SLIT3: variants seen among roughly 807,000 people sequenced by gnomAD.
SLIT3 encodes slit guidance ligand 3.
A neutral mutation model predicts 184.0 loss-of-function variants in SLIT3; 68 were observed. That is an observed-to-expected ratio of 0.37 (90% confidence interval 0.30 to 0.45). SLIT3 has a LOEUF of 0.45. SLIT3 is among the 20% of genes least tolerant of loss of function. SLIT3 has a pLI of 1.00. For synonymous variants in SLIT3, 831 were observed against 828.6 expected (o/e 1.00, Z -0.05); for missense variants, 1,707 against 2,026.0 (o/e 0.84, Z 3.02).
At chr5:168,756,180 C>T (rs769460143) in intron 16 of SLIT3, among the ~76,000 whole-genome samples, 2 of 152,216 alleles carry the variant, frequency 1.3e-5, no homozygotes, top group Non-Finnish European at 1.5e-5. Flanking sequence ...ATACTGAGTC[C>T]CAGAGCAGGA....
intron 5 of SLIT3, among the ~76,000 whole-genome samples, chr5:168,873,948 G>A (rs1348758886): frequency 1.3e-5 from 2 of 152,024 alleles, no homozygotes; most frequent in African/African-American, 4.8e-5. Flanking sequence ...CTCCTCCTAA[G>A]TCCCTTACAT....
At chr5:169,189,459 T>G (rs1763467647) in intron 4 of SLIT3, among the ~76,000 whole-genome samples, 1 of 148,920 alleles carries the variant, frequency 6.7e-6, no homozygotes, top group African/African-American at 2.5e-5. Flanking sequence ...TTCGCATGAT[T>G]GTTGTGATGG....
chr5:168,708,392 A>G (rs1256922897), intron 25 of SLIT3: 6 of 472,284 alleles, frequency 1.3e-5, no homozygotes, highest in Admixed American at 3.5e-5. Flanking sequence ...TCTGCAAACA[A>G]TGCACCATAA....
At chr5:169,291,027 C>G (rs879762828) in intron 1 of SLIT3, among the ~76,000 whole-genome samples, 5 of 152,074 alleles carry the variant, frequency 3.3e-5, no homozygotes, top group Admixed American at 6.5e-5. Context: ...TACACTGCTG[C>G]CAAAGTGCGG....
At chr5:169,286,032 T>C (rs2113652686) in intron 1 of SLIT3, among the ~76,000 whole-genome samples, 1 of 152,336 alleles carries the variant, frequency 6.6e-6, no homozygotes, top group Non-Finnish European at 1.5e-5. Context: ...TAATGGCTTT[T>C]GGAGTGATTA....
At chr5:168,926,731 A>T in intron 4 of SLIT3, among the ~76,000 whole-genome samples, 1 of 66,686 alleles carries the variant, frequency 1.5e-5, no homozygotes, top group African/African-American at 8.6e-5. Flanking sequence ...ACTTGGATAG[A>T]CTTTTCTACG....
chr5:169,214,328 G>C (rs1025957910), intron 3 of SLIT3, among the ~76,000 whole-genome samples: 1 of 152,222 alleles, frequency 6.6e-6, no homozygotes, highest in Non-Finnish European at 1.5e-5. Context: ...GGGCTCAGGA[G>C]AAAGCACTGT....
chr5:169,234,489 C>A (rs1284265772), intron 3 of SLIT3, among the ~76,000 whole-genome samples: 2 of 152,204 alleles, frequency 1.3e-5, no homozygotes, highest in Non-Finnish European at 2.9e-5. Context: ...TCACCTCAAC[C>A]TCCACCTCCT....
At chr5:169,068,713 C>T (rs1406792122) in intron 4 of SLIT3, among the ~76,000 whole-genome samples, 1 of 152,138 alleles carries the variant, frequency 6.6e-6, no homozygotes, top group Non-Finnish European at 1.5e-5. Flanking sequence ...CTTCTTGTGA[C>T]ATCTCTGGGC....
chr5:169,231,770 A>G (rs1190118779), intron 3 of SLIT3, among the ~76,000 whole-genome samples: 2 of 152,228 alleles, frequency 1.3e-5, no homozygotes, highest in Admixed American at 1.3e-4. Flanking sequence ...GAGTAACTGT[A>G]TCAATAACTC....
At chr5:169,076,036 T>A (rs1295284665) in intron 4 of SLIT3, among the ~76,000 whole-genome samples, 1 of 152,314 alleles carries the variant, frequency 6.6e-6, no homozygotes, top group East Asian at 1.9e-4. Flanking sequence ...GAAGTTTCCT[T>A]AACAAGCTGA....
intron 14 of SLIT3, among the ~76,000 whole-genome samples, chr5:168,768,793 A>C (rs1159546361): frequency 6.6e-6 from 1 of 152,116 alleles, no homozygotes; most frequent in Non-Finnish European, 1.5e-5. Context: ...GACATTCCAC[A>C]ATTCAGGAGT....
intron 4 of SLIT3, among the ~76,000 whole-genome samples, chr5:169,050,809 C>T (rs190257919): frequency 2.1e-4 from 32 of 152,154 alleles, no homozygotes; most frequent in Admixed American, 1.8e-3. Context: ...GGTATCACGG[C>T]GAGATCACAT....
At chr5:169,286,633 G>A (rs1767157051) in intron 1 of SLIT3, among the ~76,000 whole-genome samples, 1 of 152,200 alleles carries the variant, frequency 6.6e-6, no homozygotes, top group African/African-American at 2.4e-5. Flanking sequence ...GGTACGGCCA[G>A]GTCGCCAAAT....
chr5:169,015,816 C>T (rs949998726), intron 4 of SLIT3, among the ~76,000 whole-genome samples: 3 of 151,930 alleles, frequency 2.0e-5, no homozygotes, highest in African/African-American at 7.3e-5. Context: ...TGCCTATAGT[C>T]CCAGCTACTT....
At chr5:169,282,310 T>C (rs887456408) in intron 1 of SLIT3, among the ~76,000 whole-genome samples, 1 of 152,126 alleles carries the variant, frequency 6.6e-6, no homozygotes, top group African/African-American at 2.4e-5. Context: ...GGTCAGAAAA[T>C]AGGCTCTGGG....
At chr5:169,105,775 A>G (rs1760180854) in intron 4 of SLIT3, among the ~76,000 whole-genome samples, 1 of 152,146 alleles carries the variant, frequency 6.6e-6, no homozygotes, top group Non-Finnish European at 1.5e-5. Flanking sequence ...GTTCCTGCAA[A>G]GGACATCATC....
At chr5:168,924,137 C>A (rs1260072316) in intron 4 of SLIT3, among the ~76,000 whole-genome samples, 1 of 152,272 alleles carries the variant, frequency 6.6e-6, no homozygotes, top group Non-Finnish European at 1.5e-5. Flanking sequence ...TCCAGTCTCT[C>A]TTCACACCTC....
intron 4 of SLIT3, among the ~76,000 whole-genome samples, chr5:169,149,972 T>G (rs1762058784): frequency 6.6e-6 from 1 of 152,214 alleles, no homozygotes; most frequent in South Asian, 2.1e-4. Flanking sequence ...GTTTTACAGA[T>G]GAAGACATCG....
Sources: allele counts gnomAD v4.1 joint callset (sites outside exome capture counted in the v4.1 genomes callset), GRCh38; gene constraint gnomAD v4.1.1; transcripts MANE v1.5; gene names NCBI Gene and HGNC (gene_info 2026-07-23, HGNC 2026-07-21).